ERCC6L: variants seen among roughly 807,000 people sequenced by gnomAD.
The protein encoded by ERCC6L is ERCC excision repair 6 like, spindle assembly checkpoint helicase, also known as DNA excision repair protein ERCC-6-like.
Under a neutral mutation model 20.1 loss-of-function variants are expected in ERCC6L, and 7 were observed. The observed-to-expected ratio is 0.35, with a 90% CI of 0.20 to 0.65. The LOEUF (loss-of-function observed/expected upper bound fraction) is 0.65. Ranked by LOEUF, ERCC6L falls within the 30% of genes least tolerant of loss-of-function variation. The pLI is 0.69. For missense variants in ERCC6L, 592 were observed against 892.4 expected (o/e 0.66, Z 4.29); for synonymous variants, 278 against 331.3 (o/e 0.84, Z 1.75).
intron 1 of ERCC6L, among the ~76,000 whole-genome samples, chrX:72,222,779 G>A (rs2042931866): frequency 9.3e-6 from 1 of 107,823 alleles, no homozygotes; most frequent in South Asian, 4.2e-4. Flanking sequence ...TGTATTTTTA[G>A]TAGAGACAGG....
rs763268011 is a variant in ERCC6L at position 72,206,029 on chromosome X, G to A, written c.2738C>T (p.Ser913Phe). 2.2e-5 allele frequency: 27 copies of A among 1,211,398 alleles called. No individual in the cohort carries two copies. Among genetic ancestry groups the A allele is most frequent in the Non-Finnish European group, 2.9e-5 (26 of 895,223 alleles). Residue 913 changes from serine (S) to phenylalanine (F), a missense_variant, in exon 2 of 2, where the codon TCC becomes TTC. Ser to Phe is a radical substitution (Grantham distance 155, BLOSUM62 -2). Transcript: ENST00000334463. The stretch of plus-strand genomic sequence containing the variant: ...AAGGTCATCAGCTATTTCAATAATG[G>A]ATACATTTGATTCTGCATTTTGACT... ...NESQNAESNVSIIEIADDLSA... is the reference protein window; with the variant it reads ...NESQNAESNVFIIEIADDLSA...
intron 1 of ERCC6L, among the ~76,000 whole-genome samples, chrX:72,231,452 G>T (rs2042982855): frequency 9.0e-6 from 1 of 111,481 alleles, no homozygotes; most frequent in Non-Finnish European, 1.9e-5. Flanking sequence ...ATGGTACAAA[G>T]TTTCAGTTAA....
chrX:72,211,021 T>C (rs1016629717), intron 1 of ERCC6L, among the ~76,000 whole-genome samples: 2 of 112,289 alleles, frequency 1.8e-5, no homozygotes, highest in African/African-American at 6.5e-5. Flanking sequence ...AGCACTGCCC[T>C]GGATATCTGA....
At chrX:72,219,212 C>T (rs1018593679) in intron 1 of ERCC6L, among the ~76,000 whole-genome samples, 7 of 111,080 alleles carry the variant, frequency 6.3e-5, no homozygotes, top group South Asian at 7.6e-4. Flanking sequence ...GCAGAGATCG[C>T]GCCATTGCAC....
At chrX:72,222,068 C>T (rs2042926491) in intron 1 of ERCC6L, among the ~76,000 whole-genome samples, 1 of 110,009 alleles carries the variant, frequency 9.1e-6, no homozygotes, top group Non-Finnish European at 1.9e-5. Flanking sequence ...AAACCCCACT[C>T]CTCCTCCTTC....
chrX:72,206,096 G>A lies in ERCC6L; in HGVS notation c.2671C>T (p.Arg891Cys), dbSNP rs750959799. 8 of 1,209,358 alleles carry A rather than the reference G, an allele frequency of 6.6e-6. No homozygotes were observed. The highest frequency in any genetic ancestry group is 5.9e-5 in the East Asian group (2 of 33,766). Residue 891 changes from arginine to cysteine, a missense_variant, in exon 2 of 2, where the codon CGT becomes TGT. Coordinates refer to ENST00000334463, the MANE Select transcript of ERCC6L (RefSeq NM_017669.4). ...LDQLKDDEIL[R>C]HCNPWPIISI... ...ATAATGGGCCAAGGATTGCAATGAC[G>A]TAAAATCTCATCATCCTTTAGTTGA... is the stretch of plus-strand genomic sequence containing the variant.
chrX:72,228,747 T>G (rs1179665876), intron 1 of ERCC6L, among the ~76,000 whole-genome samples: 2 of 111,057 alleles, frequency 1.8e-5, no homozygotes, highest in African/African-American at 6.6e-5. Flanking sequence ...CGCTTTTTGC[T>G]TGTTTTTTTT....
chrX:72,217,822 A>C (rs1340737762), intron 1 of ERCC6L, among the ~76,000 whole-genome samples: 1 of 111,990 alleles, frequency 8.9e-6, no homozygotes, highest in Non-Finnish European at 1.9e-5. Context: ...CTGTTCCAGG[A>C]AAGAACAGTG....
chrX:72,218,597 G>A (rs1303094081), intron 1 of ERCC6L, among the ~76,000 whole-genome samples: 3 of 108,254 alleles, frequency 2.8e-5, no homozygotes, highest in Non-Finnish European at 5.7e-5. Context: ...AGGTTCAAGC[G>A]ACTGTCCTGC....
chrX:72,238,716 A>C, intron 1 of ERCC6L, 128 bp downstream of exon 1: 1 of 577,136 alleles, frequency 1.7e-6, no homozygotes, highest in Non-Finnish European at 2.7e-6. Context: ...TACTGCGAGA[A>C]GAGCGCGAGC....
At chrX:72,210,605 A>G (rs1361922886) in intron 1 of ERCC6L, among the ~76,000 whole-genome samples, 4 of 111,630 alleles carry the variant, frequency 3.6e-5, no homozygotes, top group African/African-American at 1.3e-4. Flanking sequence ...TCTTTCCCAG[A>G]GACTAAAGTG....
intron 1 of ERCC6L, among the ~76,000 whole-genome samples, chrX:72,223,601 C>A (rs865981711): frequency 1.6e-4 from 18 of 110,545 alleles, no homozygotes; most frequent in African/African-American, 5.9e-4. Flanking sequence ...GTTGGTCAGG[C>A]TGGTCTCAAA....
chrX:72,209,126 C>T (rs745322356), intron 1 of ERCC6L, among the ~76,000 whole-genome samples: 42 of 111,599 alleles, frequency 3.8e-4, no homozygotes, highest in African/African-American at 1.2e-3. Flanking sequence ...CCTCCTTTCA[C>T]GAGATTCCTA....
chrX:72,230,680 G>A (rs2042978313), intron 1 of ERCC6L, among the ~76,000 whole-genome samples: 3 of 111,835 alleles, frequency 2.7e-5, no homozygotes, highest in African/African-American at 9.8e-5. Context: ...TGGACATTCT[G>A]GGCTGGGCAT....
chrX:72,209,411 C>T (rs2042839755), intron 1 of ERCC6L, among the ~76,000 whole-genome samples: 1 of 111,932 alleles, frequency 8.9e-6, no homozygotes, highest in South Asian at 3.7e-4. Flanking sequence ...CTCATTATTT[C>T]CCCTCTAAAA....
intron 1 of ERCC6L, among the ~76,000 whole-genome samples, chrX:72,210,243 A>G (rs1423947046): frequency 9.4e-6 from 1 of 106,753 alleles, no homozygotes; most frequent in Non-Finnish European, 1.9e-5. Flanking sequence ...ATAAATAAAT[A>G]AATGGAAAAA....
chrX:72,222,175 C>A (rs1214307919), intron 1 of ERCC6L, among the ~76,000 whole-genome samples: 1 of 111,897 alleles, frequency 8.9e-6, no homozygotes, highest in East Asian at 2.8e-4. Flanking sequence ...CTCGTATTCA[C>A]ATCCCTTTCT....
intron 1 of ERCC6L, among the ~76,000 whole-genome samples, chrX:72,229,132 C>G (rs899739790): frequency 9.0e-6 from 1 of 111,616 alleles, no homozygotes; most frequent in East Asian, 2.8e-4. Context: ...GGGCCTATAA[C>G]TAAACACACC....
intron 1 of ERCC6L, among the ~76,000 whole-genome samples, chrX:72,218,129 G>A (rs1484779279): frequency 9.1e-6 from 1 of 109,699 alleles, no homozygotes; most frequent in African/African-American, 3.3e-5. Context: ...AATTAGCTGG[G>A]CATGGTGGTG....
Sources: gnomAD v4.1 joint callset for allele counts (sites outside exome capture counted in the v4.1 genomes callset) on GRCh38, gnomAD v4.1.1 for gene constraint, MANE v1.5 for transcripts, NCBI Gene and HGNC (gene_info 2026-07-23, HGNC 2026-07-21) for gene names.